DMXL2: variants seen among roughly 807,000 people sequenced by gnomAD.
The protein encoded by DMXL2 is dmX-like protein 2.
In DMXL2, 103 loss-of-function variants were observed where a neutral mutation model predicts 331.1. The ratio of observed to expected loss-of-function variants is 0.31; its 90% CI spans 0.27 to 0.37. DMXL2 has a LOEUF of 0.37. Among genes scored for constraint, DMXL2 ranks in the 10% least tolerant of loss-of-function variants. The pLI is 1.00. For missense variants in DMXL2, 3,171 were observed against 3,642.9 expected (o/e 0.87, Z 3.33); for synonymous variants, 1,281 against 1,252.1 (o/e 1.02, Z -0.49).
At chr15:51,601,545 T>C (rs1271037090) in intron 1 of DMXL2, among the ~76,000 whole-genome samples, 1 of 152,216 alleles carries the variant, frequency 6.6e-6, no homozygotes, top group Non-Finnish European at 1.5e-5. Flanking sequence ...CCTGTTACTC[T>C]ACCATGCCAA....
chr15:51,621,259 T>C (rs544222747), intron 1 of DMXL2, among the ~76,000 whole-genome samples: 1 of 152,334 alleles, frequency 6.6e-6, no homozygotes, highest in East Asian at 1.9e-4. Flanking sequence ...AGCAATCTTC[T>C]GGGGTTAATG....
chr15:51,576,621 C>CA (rs1555441664), intron 1 of DMXL2, among the ~76,000 whole-genome samples: 1 of 152,092 alleles, frequency 6.6e-6, no homozygotes, highest in Non-Finnish European at 1.5e-5. Context: ...ATGCATTTTC[C>CA]AACACAATTC....
chr15:51,525,109 C>T (rs780481727), intron 13 of DMXL2, among the ~76,000 whole-genome samples: 1 of 151,826 alleles, frequency 6.6e-6, no homozygotes, highest in Non-Finnish European at 1.5e-5. Context: ...CCTTTCCAGG[C>T]CCTATTTCCC....
chr15:51,588,663 G>GT (rs1159376739), intron 1 of DMXL2, among the ~76,000 whole-genome samples: 4 of 152,168 alleles, frequency 2.6e-5, no homozygotes, highest in East Asian at 1.9e-4. Flanking sequence ...GGAAATAGTC[G>GT]TAACAGTGTC....
At chr15:51,603,136 A>G (rs1225026850) in intron 1 of DMXL2, among the ~76,000 whole-genome samples, 2 of 152,230 alleles carry the variant, frequency 1.3e-5, no homozygotes, top group Non-Finnish European at 2.9e-5. Context: ...AAAAAAGCAG[A>G]TATCAATGAT....
chr15:51,475,903 G>T (rs1595939269), intron 27 of DMXL2, among the ~76,000 whole-genome samples: 1 of 152,186 alleles, frequency 6.6e-6, no homozygotes, highest in South Asian at 2.1e-4. Flanking sequence ...GTGAGTGAGA[G>T]AGAAGAAATG....
intron 1 of DMXL2, among the ~76,000 whole-genome samples, chr15:51,615,454 A>G (rs1281590127): frequency 2.0e-5 from 3 of 152,202 alleles, no homozygotes; most frequent in African/African-American, 4.8e-5. Flanking sequence ...GTAACTCTTC[A>G]TTGTGGAGGA....
At chr15:51,532,049 A>G (rs1289487879) in intron 13 of DMXL2, among the ~76,000 whole-genome samples, 2 of 152,176 alleles carry the variant, frequency 1.3e-5, no homozygotes, top group Non-Finnish European at 2.9e-5. Context: ...GAAAATTGGT[A>G]TACTGAAGAG....
At chr15:51,563,692 C>T (rs2050104007) in intron 5 of DMXL2, among the ~76,000 whole-genome samples, 1 of 152,120 alleles carries the variant, frequency 6.6e-6, no homozygotes, top group Non-Finnish European at 1.5e-5. Context: ...TCTCCACCTA[C>T]ATGTCCCACC....
chr15:51,503,310 A>G (rs2043814828), intron 16 of DMXL2, among the ~76,000 whole-genome samples: 1 of 152,224 alleles, frequency 6.6e-6, no homozygotes, highest in Non-Finnish European at 1.5e-5. Flanking sequence ...GCCAAGACAT[A>G]AAATCAACCT....
At chr15:51,450,767 C>G (rs2039063497) in intron 42 of DMXL2, 1 of 166,968 alleles carries the variant, frequency 6.0e-6, no homozygotes, top group African/African-American at 2.4e-5. Flanking sequence ...TTTTCAGTTA[C>G]AAGTTAAGAA....
chr15:51,552,848 T>C (rs533496631), intron 6 of DMXL2, among the ~76,000 whole-genome samples: 2 of 152,358 alleles, frequency 1.3e-5, no homozygotes, highest in East Asian at 3.9e-4. Flanking sequence ...TGTCTTATCC[T>C]ATCTGATATG....
intron 1 of DMXL2, among the ~76,000 whole-genome samples, chr15:51,611,375 T>A (rs1418979392): frequency 6.6e-6 from 1 of 152,166 alleles, no homozygotes; most frequent in Non-Finnish European, 1.5e-5. Context: ...AATAAATTAT[T>A]AGCAAAATAA....
chr15:51,557,821 A>G (rs1285725607), intron 6 of DMXL2, among the ~76,000 whole-genome samples: 1 of 152,236 alleles, frequency 6.6e-6, no homozygotes, highest in East Asian at 1.9e-4. Context: ...AGATATCCAT[A>G]AGGAAAAAAT....
intron 6 of DMXL2, among the ~76,000 whole-genome samples, chr15:51,555,030 C>A (rs984104062): frequency 2.0e-5 from 3 of 152,030 alleles, no homozygotes; most frequent in African/African-American, 4.8e-5. Flanking sequence ...TGGTGGCACA[C>A]GCTTGTAATC....
intron 19 of DMXL2, among the ~76,000 whole-genome samples, chr15:51,493,755 C>T (rs2042964608): frequency 6.6e-6 from 1 of 152,096 alleles, no homozygotes; most frequent in African/African-American, 2.4e-5. Context: ...TTAACTGATT[C>T]AATACCACTT....
intron 9 of DMXL2, 23 bp downstream of exon 9, chr15:51,542,310 G>A (rs771610347): frequency 3.8e-6 from 6 of 1,593,810 alleles, no homozygotes; most frequent in Admixed American, 3.4e-5. Context: ...CATATTTATG[G>A]GAAATAAAAC....
At chr15:51,477,154 A>T (rs2041652057) in intron 26 of DMXL2, among the ~76,000 whole-genome samples, 1 of 152,034 alleles carries the variant, frequency 6.6e-6, no homozygotes, top group South Asian at 2.1e-4. Context: ...TAAAGTTATG[A>T]ACTAAAACCC....
chr15:51,601,939 C>T (rs1025555978), intron 1 of DMXL2, among the ~76,000 whole-genome samples: 2 of 152,168 alleles, frequency 1.3e-5, no homozygotes, highest in East Asian at 1.9e-4. Flanking sequence ...GAGTTTTACA[C>T]ATATATCATT....
Sources: allele counts gnomAD v4.1 joint callset (sites outside exome capture counted in the v4.1 genomes callset), GRCh38; gene constraint gnomAD v4.1.1; transcripts MANE v1.5; gene names NCBI Gene and HGNC (gene_info 2026-07-23, HGNC 2026-07-21).